Variants in COL13A1 observed in about 807,000 individuals in gnomAD.
The protein encoded by COL13A1 is collagen type XIII alpha 1 chain.
COL13A1 carries 89 observed loss-of-function variants against 130.9 expected under a neutral mutation model. That is an observed-to-expected ratio of 0.68 (90% CI 0.57 to 0.81). COL13A1 has a LOEUF of 0.81. COL13A1 is among the 30% of genes least tolerant of loss of function. The pLI is 0.00. For missense variants in COL13A1, 879 were observed against 934.6 expected, an observed-to-expected ratio of 0.94 and a Z score of 0.78; for synonymous variants, 402 against 341.6, an observed-to-expected ratio of 1.18 and a Z score of -1.95.
intron 29 of COL13A1, 94 bp downstream of exon 29, chr10:69,930,181 G>A: frequency 2.3e-6 from 3 of 1,321,164 alleles, no homozygotes; most frequent in Non-Finnish European, 3.2e-6. Flanking sequence ...TGGCCCTGGT[G>A]TGAGCCCAGT....
At chr10:69,877,711 A>G in intron 5 of COL13A1, 1 of 123,452 alleles carries the variant, frequency 8.1e-6, no homozygotes, top group African/African-American at 3.5e-5. Flanking sequence ...ACACACACAC[A>G]CACACACACA....
chr10:69,827,287 C>T (rs574982290), intron 2 of COL13A1, among the ~76,000 whole-genome samples: 2 of 152,268 alleles, frequency 1.3e-5, no homozygotes, highest in East Asian at 3.9e-4. Context: ...CTGCCCGGCT[C>T]CCTCTGTCCA....
chr10:69,867,272 T>G (rs765789212), intron 2 of COL13A1, among the ~76,000 whole-genome samples: 14 of 152,182 alleles, frequency 9.2e-5, no homozygotes, highest in Admixed American at 1.3e-4. Flanking sequence ...CCTAACTCAC[T>G]GCTAAACAGA....
At chr10:69,871,493 C>T (rs1388305417) in intron 3 of COL13A1, among the ~76,000 whole-genome samples, 2 of 152,178 alleles carry the variant, frequency 1.3e-5, no homozygotes, top group South Asian at 2.1e-4. Flanking sequence ...GACTCCCCAC[C>T]GACTGGTGGG....
intron 23 of COL13A1, among the ~76,000 whole-genome samples, chr10:69,923,153 G>A (rs1462841619): frequency 6.6e-6 from 1 of 152,200 alleles, no homozygotes; most frequent in Non-Finnish European, 1.5e-5. Context: ...TGCTGTAACT[G>A]AGCAAGGGAC....
At chr10:69,863,205 G>A (rs113020449) in intron 2 of COL13A1, among the ~76,000 whole-genome samples, 1,905 of 152,266 alleles carry the variant, frequency 0.013, 41 homozygotes, top group African/African-American at 0.044. Flanking sequence ...TCCCTGGCCC[G>A]TACCCACTAC....
chr10:69,903,531 A>G (rs1429147259), intron 15 of COL13A1, among the ~76,000 whole-genome samples: 1 of 152,218 alleles, frequency 6.6e-6, no homozygotes, highest in Non-Finnish European at 1.5e-5. Flanking sequence ...AATTTATACA[A>G]CAAAGCCCCA....
At chr10:69,812,292 C>A (rs2683550) in intron 1 of COL13A1, among the ~76,000 whole-genome samples, 107,170 of 151,168 alleles carry the variant, frequency 0.71, 37,842 homozygotes, top group Non-Finnish European at 0.74. Flanking sequence ...CTCTGGAACC[C>A]GATTGCTGGG....
chr10:69,832,354 T>C (rs1849026380), intron 2 of COL13A1, among the ~76,000 whole-genome samples: 1 of 152,254 alleles, frequency 6.6e-6, no homozygotes, highest in Non-Finnish European at 1.5e-5. Context: ...GCTCTCTGTC[T>C]AGCTCTCCAG....
chr10:69,919,231 G>A, intron 20 of COL13A1, 143 bp downstream of exon 20: 1 of 1,063,262 alleles, frequency 9.4e-7, no homozygotes, highest in Non-Finnish European at 1.4e-6. Flanking sequence ...GGGCCCACTG[G>A]TCAGGAGCAC....
chr10:69,924,259 G>C (rs1018830638), intron 24 of COL13A1, among the ~76,000 whole-genome samples: 1 of 152,202 alleles, frequency 6.6e-6, no homozygotes, highest in Admixed American at 6.5e-5. Context: ...AGGTTCATCA[G>C]GAGTCACACC....
intron 38 of COL13A1, among the ~76,000 whole-genome samples, chr10:69,950,816 G>A (rs1013332547): frequency 6.6e-6 from 1 of 152,128 alleles, no homozygotes; most frequent in Non-Finnish European, 1.5e-5. Context: ...AGTAATTTCC[G>A]AAGATCTGGA....
chr10:69,853,025 G>A (rs1048134049), intron 2 of COL13A1, among the ~76,000 whole-genome samples: 2 of 151,998 alleles, frequency 1.3e-5, no homozygotes, highest in African/African-American at 4.8e-5. Context: ...AGCGGGGGGA[G>A]GTATGGGGAG....
intron 38 of COL13A1, among the ~76,000 whole-genome samples, chr10:69,951,112 GT>G (rs1380637754): frequency 1.3e-5 from 2 of 151,946 alleles, no homozygotes; most frequent in Admixed American, 1.3e-4. Context: ...GCCTCCCAAA[GT>G]GCTGGGATTA....
In COL13A1 at chr10:69,880,683, G is replaced by GTGGTCAGCCCAGCCAGGCCT; in HGVS notation, c.513+131_513+150dup. 1.1e-5 allele frequency: 10 copies of GTGGTCAGCCCAGCCAGGCCT among 944,016 alleles called. 1 individual carries two copies. The South Asian group carries it at 1.4e-4, about 13-fold the overall frequency. The allele number at this position is 944,016 out of a possible 1,614,324, so 58.5% of individuals were successfully genotyped here. A position where few individuals can be genotyped will look rare whatever the true frequency, so the allele number is the denominator to read the frequency against. On this transcript the variant is annotated intron_variant, in intron 7 of 40. Coordinates refer to ENST00000645393, the MANE Select transcript of COL13A1 (RefSeq NM_001368882.1). ...GGGTGGGGAGGCCACCGCATGTGAT[G>GTGGTCAGCCCAGCCAGGCCT]TGGTCAGCCCAGCCAGGCCTCGGGT... is the stretch of plus-strand genomic sequence containing the variant.
intron 14 of COL13A1, among the ~76,000 whole-genome samples, chr10:69,902,414 G>A (rs1488234525): frequency 6.6e-6 from 1 of 152,212 alleles, no homozygotes; most frequent in Non-Finnish European, 1.5e-5. Flanking sequence ...CATCTGGCCA[G>A]GCTGGGAGCA....
intron 9 of COL13A1, among the ~76,000 whole-genome samples, chr10:69,888,957 C>T (rs1446737231): frequency 1.3e-5 from 2 of 152,184 alleles, no homozygotes; most frequent in African/African-American, 4.8e-5. Flanking sequence ...AATGCAGCCC[C>T]ACTCACAGCC....
chr10:69,873,809 C>G (rs1220174655), intron 4 of COL13A1, among the ~76,000 whole-genome samples: 1 of 152,214 alleles, frequency 6.6e-6, no homozygotes, highest in African/African-American at 2.4e-5. Context: ...CTCAAAAAGA[C>G]TGTGGATGTG....
At chr10:69,948,676 A>G (rs2068912730) in intron 38 of COL13A1, among the ~76,000 whole-genome samples, 2 of 152,158 alleles carry the variant, frequency 1.3e-5, no homozygotes, top group Non-Finnish European at 2.9e-5. Context: ...ATTATATTCA[A>G]TTAGTATTTT....
Sources: allele counts gnomAD v4.1 joint callset (sites outside exome capture counted in the v4.1 genomes callset), GRCh38; gene constraint gnomAD v4.1.1; transcripts MANE v1.5; gene names NCBI Gene and HGNC (gene_info 2026-07-23, HGNC 2026-07-21).